Variants in VASH1 observed in about 807,000 individuals in gnomAD.
VASH1 encodes tubulinyl-Tyr carboxypeptidase 1.
Under a neutral mutation model 35.0 loss-of-function variants are expected in VASH1, and 16 were observed. The ratio of observed to expected loss-of-function variants is 0.46; its 90% CI spans 0.31 to 0.70. The LOEUF (loss-of-function observed/expected upper bound fraction) is 0.70. VASH1 is among the 30% of genes least tolerant of loss of function. VASH1 has a pLI of 0.05. For missense variants in VASH1, 505 were observed against 510.7 expected (o/e 0.99, Z 0.11); for synonymous variants, 214 against 200.9 (o/e 1.07, Z -0.55).
chr14:76,775,905 A>AC lies in VASH1; in HGVS notation c.544_545insC (p.Ser182ThrfsTer108). 4 of 1,584,384 alleles carry AC rather than the reference A, an allele frequency of 2.5e-6. No individual in the cohort carries two copies. The highest frequency in any genetic ancestry group is 3.4e-6 in the Non-Finnish European group (4 of 1,163,990). ...GGCACTGGCCAGTTACCTCACCAAC[A>AC]GCATGCCCACCCTGGAGCGCTTCCC... On this transcript the variant is annotated frameshift_variant, in exon 5 of 7. Coordinates refer to ENST00000167106, the MANE Select transcript of VASH1 (RefSeq NM_014909.5). LOFTEE classifies it high-confidence loss of function.
At position 76,780,801 on chromosome 14, in the gene VASH1, C is replaced by G. The variant is rs1894084774; in HGVS notation, c.*1783C>G. The G allele has an allele frequency of 6.6e-6, 1 of 152,216 alleles. No individual in the cohort carries two copies. Among genetic ancestry groups the G allele is most frequent in the South Asian group, 2.1e-4 (1 of 4,832 alleles). 9.4% of individuals were successfully genotyped at this position (152,216 alleles called of 1,614,324 possible). A position where few individuals can be genotyped will look rare whatever the true frequency, so the allele number is the denominator to read the frequency against. On this transcript the variant is annotated 3_prime_UTR_variant, in exon 7 of 7. Transcript: ENST00000167106. Reference sequence around the variant, plus strand: ...AAAAGAGGATGCCAGTTTGCAATCCCTGAAGTAGAGAGAGCTCGTGCTGGG... The same window carrying G: ...AAAAGAGGATGCCAGTTTGCAATCCGTGAAGTAGAGAGAGCTCGTGCTGGG...
At chr14:76,775,666 C>T (rs575692585) in intron 4 of VASH1, among the ~76,000 whole-genome samples, 42 of 152,274 alleles carry the variant, frequency 2.8e-4, no homozygotes, top group Admixed American at 3.9e-4. Context: ...CCTGGAAGCC[C>T]CGTGCCTATT....
Position 76,776,016 on chromosome 14 carries a change from G to A in VASH1, c.655G>A (p.Gly219Ser). 1.2e-6 allele frequency: 2 copies of A among 1,612,828 alleles called. No homozygotes were observed. The highest frequency in any genetic ancestry group is 1.7e-6 in the Non-Finnish European group (2 of 1,179,854). ...VNFAGRYGAL[G>S]MSRREDLMYK... ...CTTCGCGGGCCGCTACGGTGCGCTG[G>A]GCATGAGTCGGCGCGAGGACCTGAT... The change falls in exon 5 of 7, where the codon GGC becomes AGC. Residue 219 changes from glycine to serine, a missense_variant. Gly to Ser is a moderately conservative substitution (Grantham distance 56). Coordinates refer to ENST00000167106, the MANE Select transcript of VASH1 (RefSeq NM_014909.5).
At chr14:76,766,983 C>G (rs1003947986) in intron 1 of VASH1, among the ~76,000 whole-genome samples, 1 of 151,964 alleles carries the variant, frequency 6.6e-6, no homozygotes, top group Non-Finnish European at 1.5e-5. Context: ...AGGCCGGGTG[C>G]GGTGTAATCC....
At position 76,778,860 on chromosome 14, in the gene VASH1, C is replaced by T. The variant is rs1894020519; in HGVS notation, c.1026-86C>T. The T allele has an allele frequency of 2.2e-5, 30 of 1,351,876 alleles. 1 individual carries two copies. Among genetic ancestry groups the T allele is most frequent in the Middle Eastern group, 3.6e-4 (2 of 5,610 alleles). The allele number at this position is 1,351,876 out of a possible 1,614,324, so 83.7% of individuals were successfully genotyped here. A position where few individuals can be genotyped will look rare whatever the true frequency, so the allele number is the denominator to read the frequency against. On this transcript the variant is annotated intron_variant, in intron 6 of 6. Transcript: ENST00000167106. ...CACTTGGAGAATGTGGCGGGGAAGC[C>T]ACCAGGCAGCCGCTGCTGGCTCCCC...
At chr14:76,765,311 T>C (rs1209781613) in intron 1 of VASH1, among the ~76,000 whole-genome samples, 1 of 152,172 alleles carries the variant, frequency 6.6e-6, no homozygotes, top group East Asian at 1.9e-4. Flanking sequence ...GGCTGTGTTG[T>C]GACAGACCCC....
intron 4 of VASH1, 106 bp from the exon 5 acceptor site, chr14:76,775,786 C>T (rs1022055072): frequency 2.8e-6 from 4 of 1,448,584 alleles, no homozygotes; most frequent in South Asian, 2.8e-5. Context: ...GGTGTCTGCA[C>T]CCCAAGGCTG....
Position 76,761,909 on chromosome 14 carries a change from G to C in VASH1, c.-913G>C, listed in dbSNP as rs1428222627. Among the ~76,000 whole-genome samples, 9 of 151,652 alleles carry C rather than the reference G, an allele frequency of 5.9e-5. No individual in the cohort carries two copies. The highest frequency in any genetic ancestry group is 1.9e-4 in the African/African-American group (8 of 41,360). On this transcript the variant is annotated 5_prime_UTR_variant, in exon 1 of 7. Transcript: ENST00000167106. ...TCAGCCTGGCCCCTGCGCGCCGCCCGAGCCGGTCCCGCTGAGCCGCGGGCC... is the reference window on the plus strand; with the variant it reads ...TCAGCCTGGCCCCTGCGCGCCGCCCCAGCCGGTCCCGCTGAGCCGCGGGCC...
intron 1 of VASH1, among the ~76,000 whole-genome samples, chr14:76,766,912 A>G (rs573604789): frequency 8.5e-5 from 13 of 152,132 alleles, no homozygotes; most frequent in Non-Finnish European, 1.9e-4. Context: ...GTTGGTGCCC[A>G]CTTTATAAAT....
At chr14:76,768,628 GC>G (rs1426874604) in intron 1 of VASH1, among the ~76,000 whole-genome samples, 42 of 152,134 alleles carry the variant, frequency 2.8e-4, no homozygotes, top group Non-Finnish European at 4.1e-4. Context: ...CCTTGTCAGA[GC>G]CCCAGCCACT....
chr14:76,768,250 G>A (rs192616242), intron 1 of VASH1, among the ~76,000 whole-genome samples: 6 of 152,362 alleles, frequency 3.9e-5, no homozygotes, highest in Non-Finnish European at 8.8e-5. Context: ...GTACAGAGTG[G>A]CCAGACAGGA....
Position 76,769,133 on chromosome 14 carries a change from G to C in VASH1, c.310-830G>C, listed in dbSNP as rs143070433. Among the ~76,000 whole-genome samples the C allele has an allele frequency of 2.4e-4, 37 of 152,268 alleles. No homozygotes were observed. In the East Asian group the frequency reaches 7.1e-3, roughly 29 times the overall value. On this transcript the variant is annotated intron_variant, in intron 1 of 6. Transcript: ENST00000167106. ...GACTGGAGGCTGAGGGAAGCCTGGG[G>C]GTCAGCTGTTCTTGACCTTACCCCC...
At position 76,778,985 on chromosome 14, in the gene VASH1, G is replaced by A. The variant is rs1566688332; in HGVS notation, c.1065G>A (p.Met355Ile). 1 of 1,614,168 alleles carries A rather than the reference G, an allele frequency of 6.2e-7. No individual in the cohort carries two copies. The highest frequency in any genetic ancestry group is 8.5e-7 in the Non-Finnish European group (1 of 1,180,040). ...GDKKTSEPKA[M>I]PDLNGYQIRV ...AGAAGACTTCCGAGCCCAAAGCCAT[G>A]CCAGACCTTAACGGGTACCAGATCC... The change falls in exon 7 of 7, where the codon ATG becomes ATA. Residue 355 changes from methionine to isoleucine, a missense_variant. Transcript: ENST00000167106.
In VASH1 at chr14:76,763,146, C is replaced by T; in HGVS notation, c.309+16C>T. The T allele has an allele frequency of 6.9e-7, 1 of 1,441,790 alleles. No homozygotes were observed. The highest frequency in any genetic ancestry group is 1.6e-5 in the South Asian group (1 of 63,756). 89.3% of individuals were successfully genotyped at this position (1,441,790 alleles called of 1,614,324 possible). ...CCTGCCCAAGGTGAGACACACGGGT[C>T]AGGGGGGTGATAGCACAGTCTAGGT... On this transcript the variant is annotated intron_variant, in intron 1 of 6. Transcript: ENST00000167106.
At chr14:76,767,248 A>AAATG (rs1409814988) in intron 1 of VASH1, among the ~76,000 whole-genome samples, 2 of 140,694 alleles carry the variant, frequency 1.4e-5, no homozygotes, top group Non-Finnish European at 3.0e-5. Context: ...CTGTCTCAAT[A>AAATG]AATAAATAAA....
intron 2 of VASH1, 52 bp downstream of exon 2, chr14:76,770,103 C>G: frequency 6.4e-7 from 1 of 1,554,034 alleles, no homozygotes; most frequent in Non-Finnish European, 8.8e-7. Context: ...TGTGGTGGGC[C>G]TTGTTTCCAG....
chr14:76,782,705 G>C lies in VASH1; in HGVS notation c.*3687G>C, dbSNP rs970134292. Reference sequence around the variant, plus strand: ...AGGCAGGGCTGCCATGGTGCTAGCTGCAAGTCCATCAGTATTGACCGTCTC... The same window carrying C: ...AGGCAGGGCTGCCATGGTGCTAGCTCCAAGTCCATCAGTATTGACCGTCTC... On this transcript the variant is annotated 3_prime_UTR_variant, in exon 7 of 7. Coordinates refer to ENST00000167106, the MANE Select transcript of VASH1 (RefSeq NM_014909.5). 2 of 152,600 alleles carry C rather than the reference G, an allele frequency of 1.3e-5. No homozygotes were observed. Among genetic ancestry groups the C allele is most frequent in the Non-Finnish European group, 2.9e-5 (2 of 68,070 alleles). 9.5% of individuals were successfully genotyped at this position (152,600 alleles called of 1,614,324 possible).
At chr14:76,763,567 C>G (rs546769259) in intron 1 of VASH1, among the ~76,000 whole-genome samples, 1 of 152,138 alleles carries the variant, frequency 6.6e-6, no homozygotes, top group Non-Finnish European at 1.5e-5. Context: ...AGCCTTGTGA[C>G]GTAAGTACAG....
At chr14:76,773,780 C>T (rs1205264034) in intron 4 of VASH1, 1 of 154,024 alleles carries the variant, frequency 6.5e-6, no homozygotes, top group Non-Finnish European at 1.4e-5. Context: ...CCCAGCCCCA[C>T]AGTCAACAGC....
Sources: gnomAD v4.1 joint callset for allele counts (sites outside exome capture counted in the v4.1 genomes callset) on GRCh38, gnomAD v4.1.1 for gene constraint, MANE v1.5 for transcripts, NCBI Gene and HGNC (gene_info 2026-07-23, HGNC 2026-07-21) for gene names.